The following GRK2 variants were observed in gnomAD, a reference collection of about 807,000 sequenced individuals.
GRK2 encodes the protein G protein-coupled receptor kinase 2.
A neutral mutation model predicts 97.8 loss-of-function variants in GRK2; 23 were observed. The observed-to-expected ratio is 0.24, with a 90% CI of 0.17 to 0.33. The LOEUF (loss-of-function observed/expected upper bound fraction) is 0.33, where lower values mean the gene tolerates loss of function less well. Ranked by LOEUF, GRK2 falls within the 10% of genes least tolerant of loss-of-function variation. The pLI is 1.00. For synonymous variants in GRK2, 425 were observed against 381.7 expected (o/e 1.11, Z -1.32); for missense variants, 633 against 956.9 (o/e 0.66, Z 4.47).
chr11:67,279,752 G>C (rs752560885), intron 5 of GRK2, 52 bp downstream of exon 5: 1 of 1,613,174 alleles, frequency 6.2e-7, no homozygotes, highest in Non-Finnish European at 8.5e-7. Context: ...ACAGCCCCTG[G>C]TCAACAAGCC....
At chr11:67,273,188 G>A (rs1859947797) in intron 1 of GRK2, among the ~76,000 whole-genome samples, 1 of 152,252 alleles carries the variant, frequency 6.6e-6, no homozygotes. Flanking sequence ...TGACCAGGTG[G>A]TGAGGGCCAC....
chr11:67,277,189 C>A, intron 1 of GRK2, 83 bp from the exon 2 acceptor site: 1 of 1,359,104 alleles, frequency 7.4e-7, no homozygotes, highest in Non-Finnish European at 1.0e-6. Context: ...GACACCACCA[C>A]AGTGCCCTCA....
intron 17 of GRK2, 55 bp from the exon 18 acceptor site, chr11:67,284,156 G>A: frequency 1.2e-6 from 2 of 1,605,032 alleles, no homozygotes; most frequent in South Asian, 1.1e-5. Context: ...TGTGGCTGAT[G>A]GTATTCCGGC....
rs751883784 is a variant in GRK2, at chr11:67,282,847, A to AG, written c.1227+34dup. The AG allele has an allele frequency of 5.6e-6, 9 of 1,594,512 alleles. No homozygotes were observed. The Admixed American group carries it at 1.0e-4, about 18-fold the overall frequency. On this transcript the variant is annotated intron_variant, in intron 14 of 20. Coordinates refer to ENST00000308595, the MANE Select transcript of GRK2 (RefSeq NM_001619.5). This position sits in a 1 kb window ranked among gnomAD's most constrained non-coding sequence, Gnocchi z 6.9. ...GGTGCAGGTCTCAGTGCAGGGCCGC[A>AG]GGGGGCTGGGGGGAGCTCCTGTGGG...
intron 6 of GRK2, 182 bp from the exon 7 acceptor site, chr11:67,280,550 C>G: frequency 1.4e-6 from 1 of 707,224 alleles, no homozygotes; most frequent in South Asian, 1.7e-5. Flanking sequence ...GCAGCCCTGA[C>G]TGGTGCTGTG....
In GRK2 at chr11:67,282,428, C is replaced by T. The variant is rs373566886; in HGVS notation, c.1053-7C>T. ...CACTCCCGCTTATGGCCCCCTTGCT[C>T]CCACAGGGGCACCCACGGGTACATG... On this transcript the variant is annotated splice_polypyrimidine_tract_variant and splice_region_variant and intron_variant, in intron 12 of 20. Coordinates refer to ENST00000308595, the MANE Select transcript of GRK2 (RefSeq NM_001619.5). This position sits in a 1 kb window ranked among gnomAD's most constrained non-coding sequence, Gnocchi z 6.9. 2.5e-6 allele frequency: 4 copies of T among 1,609,766 alleles called. No individual in the cohort carries two copies. The African/African-American group carries it at 4.0e-5, about 16-fold the overall frequency.
intron 18 of GRK2, 115 bp downstream of exon 18, chr11:67,284,488 T>G: frequency 2.3e-6 from 3 of 1,284,992 alleles, no homozygotes; most frequent in Non-Finnish European, 2.1e-6. Context: ...GCTCTGGGAT[T>G]CAAACTCAGG....
chr11:67,267,119 C>T (rs1037737654), intron 1 of GRK2, among the ~76,000 whole-genome samples: 8 of 152,294 alleles, frequency 5.3e-5, no homozygotes, highest in African/African-American at 1.9e-4. Flanking sequence ...CACCGGCCCC[C>T]CGAAGTCGCT....
intron 2 of GRK2, among the ~76,000 whole-genome samples, chr11:67,278,077 G>T (rs996329559): frequency 6.6e-6 from 1 of 152,242 alleles, no homozygotes; most frequent in East Asian, 1.9e-4. Flanking sequence ...ACCTCTCTGA[G>T]CCTGATGGTG....
At chr11:67,283,990 C>T (rs189743130) in intron 17 of GRK2, 41 bp downstream of exon 17, 18 of 1,539,734 alleles carry the variant, frequency 1.2e-5, no homozygotes, top group Non-Finnish European at 1.4e-5. Flanking sequence ...AGGCTGTGAT[C>T]CTGGCCTGGG....
chr11:67,284,325 C>T lies in GRK2; in HGVS notation c.1606C>T (p.Leu536=). 1 of 1,613,158 alleles carries T rather than the reference C, an allele frequency of 6.2e-7. No homozygotes were observed. Among genetic ancestry groups the T allele is most frequent in the South Asian group, 1.1e-5 (1 of 91,086 alleles). The part of the protein sequence containing the change: ...FDTINAETDR[L]EARKKAKNKQ... Reference sequence around the variant, plus strand: ...CACCATCAACGCTGAGACAGACCGGCTGGAGGCTCGCAAGAAAGCCAAGAA... The same window carrying T: ...CACCATCAACGCTGAGACAGACCGGTTGGAGGCTCGCAAGAAAGCCAAGAA... The change falls in exon 18 of 21, where the codon CTG becomes TTG. Residue 536 remains leucine (L), a synonymous_variant. Coordinates refer to ENST00000308595, the MANE Select transcript of GRK2 (RefSeq NM_001619.5).
chr11:67,275,688 C>T (rs991720865), intron 1 of GRK2, among the ~76,000 whole-genome samples: 3 of 152,226 alleles, frequency 2.0e-5, no homozygotes, highest in Non-Finnish European at 2.9e-5. Context: ...CCCATTGGCC[C>T]CTTGCTCATC....
rs930238100 is a variant in GRK2 at position 67,281,625 on chromosome 11, C to T, written c.748-25C>T. 6.4e-7 allele frequency: 1 copy of T among 1,559,656 alleles called. No individual in the cohort carries two copies. The highest frequency in any genetic ancestry group is 8.8e-7 in the Non-Finnish European group (1 of 1,131,358). The stretch of plus-strand genomic sequence containing the variant: ...CCGGGCGCCCCTGCTAACTGCCCGC[C>T]CCCTCCCCTCCTCTCCCCTCCTAGG... On this transcript the variant is annotated intron_variant, in intron 9 of 20. Coordinates refer to ENST00000308595, the MANE Select transcript of GRK2 (RefSeq NM_001619.5). This position sits in a 1 kb window ranked among gnomAD's most constrained non-coding sequence, Gnocchi z 5.7.
Position 67,279,518 on chromosome 11 carries a change from A to G in GRK2, c.365A>G (p.His122Arg), listed in dbSNP as rs529567037. Residue 122 changes from histidine (H) to arginine (R), a missense_variant and splice_region_variant, in exon 4 of 21, where the codon CAT (histidine) becomes CGT (arginine). Physicochemically the swap from His to Arg is conservative, Grantham distance 29. This residue lies in a region of GRK2 where 193 missense variants were observed against 212.2 expected (regional missense o/e 0.91). Transcript: ENST00000308595. ...YIMKELLACSHPFSKSATEHV... is the reference protein window; with the variant it reads ...YIMKELLACSRPFSKSATEHV... ...ATGAAGGAGCTGCTGGCCTGCTCGC[A>G]TGTGAGTGTCCTCAGCTGGCCCTGT... The G allele has an allele frequency of 3.1e-6, 5 of 1,613,136 alleles. No homozygotes were observed. Among genetic ancestry groups the G allele is most frequent in the South Asian group, 2.2e-5 (2 of 91,080 alleles).
intron 7 of GRK2, 123 bp from the exon 8 acceptor site, chr11:67,280,970 A>G: frequency 2.7e-6 from 3 of 1,113,596 alleles, no homozygotes; most frequent in Non-Finnish European, 4.0e-6. Flanking sequence ...AATATGTGGC[A>G]AGGATGGCCA....
rs1176451368 is a variant in GRK2, at chr11:67,283,230, T to TGAGTACCCTGGCGCCTTGGGC, written c.1328+3_1328+23dup. The TGAGTACCCTGGCGCCTTGGGC allele has an allele frequency of 1.9e-6, 3 of 1,612,758 alleles. No individual in the cohort carries two copies. Among genetic ancestry groups the TGAGTACCCTGGCGCCTTGGGC allele is most frequent in the Non-Finnish European group, 8.5e-7 (1 of 1,179,150 alleles). ...GAGATTGGGCTGCCTGGGCCGAGGG[T>TGAGTACCCTGGCGCCTTGGGC]GAGTACCCTGGCGCCTTGGGCATGC... On this transcript the variant is annotated splice_region_variant and intron_variant, in intron 15 of 20. Coordinates refer to ENST00000308595, the MANE Select transcript of GRK2 (RefSeq NM_001619.5).
At chr11:67,279,730 A>G (rs1367903748) in intron 5 of GRK2, 30 bp downstream of exon 5, 19 of 1,613,396 alleles carry the variant, frequency 1.2e-5, no homozygotes, top group Middle Eastern at 1.6e-4. Context: ...TCCCCAGGCA[A>G]GGTCACCTTG....
rs1299758865 is a variant in GRK2 at position 67,285,921 on chromosome 11, A to AG, written c.*475dup. The stretch of plus-strand genomic sequence containing the variant: ...CCTGCTCCACAGTGTTGGCGAGAGG[A>AG]GGGGCCCGTTGTCTCCCTGGCCCTC... On this transcript the variant is annotated 3_prime_UTR_variant, in exon 21 of 21. Coordinates refer to ENST00000308595, the MANE Select transcript of GRK2 (RefSeq NM_001619.5). 4.5e-6 allele frequency: 1 copy of AG among 222,868 alleles called. No homozygotes were observed. The highest frequency in any genetic ancestry group is 8.9e-6 in the Non-Finnish European group (1 of 112,480). 13.8% of individuals were successfully genotyped at this position (222,868 alleles called of 1,614,324 possible).
chr11:67,277,985 T>G, intron 2 of GRK2, among the ~76,000 whole-genome samples: 1 of 151,740 alleles, frequency 6.6e-6, no homozygotes, highest in African/African-American at 2.4e-5. Flanking sequence ...GCATTGGGGG[T>G]CAGCCTGGGG....
Sources: gnomAD v4.1 joint callset for allele counts (sites outside exome capture counted in the v4.1 genomes callset) on GRCh38, gnomAD v4.1.1 for gene constraint, gnomAD v4.1.1 regional missense constraint, Gnocchi (gnomAD v3.1) non-coding constraint, MANE v1.5 for transcripts, NCBI Gene and HGNC (gene_info 2026-07-23, HGNC 2026-07-21) for gene names.